Variants in HS6ST3 observed in about 807,000 individuals in gnomAD.
The protein encoded by HS6ST3 is heparan sulfate 6-O-sulfotransferase 3.
HS6ST3 carries 12 observed loss-of-function variants against 36.7 expected under a neutral mutation model. That is an observed-to-expected ratio of 0.33 (90% CI 0.21 to 0.53). The LOEUF (loss-of-function observed/expected upper bound fraction) is 0.53. Ranked by LOEUF, HS6ST3 falls within the 20% of genes least tolerant of loss-of-function variation. HS6ST3 has a pLI of 0.95. For missense variants in HS6ST3, 584 were observed against 640.9 expected (o/e 0.91, Z 0.96); for synonymous variants, 240 against 257.5 (o/e 0.93, Z 0.65).
At chr13:96,585,241 A>G (rs917151143) in intron 1 of HS6ST3, among the ~76,000 whole-genome samples, 1 of 151,994 alleles carries the variant, frequency 6.6e-6, no homozygotes, top group Non-Finnish European at 1.5e-5. Context: ...CTTCCTTTTT[A>G]TAGGGTTTAG....
chr13:96,380,078 C>A (rs1594767194), intron 1 of HS6ST3, among the ~76,000 whole-genome samples: 1 of 152,110 alleles, frequency 6.6e-6, no homozygotes, highest in African/African-American at 2.4e-5. Context: ...TTTCCACATC[C>A]TTGATAGGTA....
intron 1 of HS6ST3, among the ~76,000 whole-genome samples, chr13:96,494,959 G>T (rs1313330506): frequency 6.6e-6 from 1 of 152,118 alleles, no homozygotes; most frequent in Non-Finnish European, 1.5e-5. Flanking sequence ...GACAAATCTG[G>T]CTTCGTGTGC....
intron 1 of HS6ST3, among the ~76,000 whole-genome samples, chr13:96,392,132 T>C (rs956005352): frequency 1.3e-5 from 2 of 152,222 alleles, no homozygotes; most frequent in Admixed American, 6.5e-5. Flanking sequence ...TTAACACTTC[T>C]ACCTAGAAGA....
chr13:96,212,536 C>T (rs1159276399), intron 1 of HS6ST3, among the ~76,000 whole-genome samples: 1 of 152,166 alleles, frequency 6.6e-6, no homozygotes, highest in African/African-American at 2.4e-5. Flanking sequence ...AAACAAAATG[C>T]ATTCCGGTTT....
At chr13:96,301,495 G>T (rs1320211920) in intron 1 of HS6ST3, among the ~76,000 whole-genome samples, 1 of 152,170 alleles carries the variant, frequency 6.6e-6, no homozygotes, top group Non-Finnish European at 1.5e-5. Context: ...CTGGTCCTGA[G>T]TCTGTCTCTC....
At chr13:96,399,223 T>C (rs1243292168) in intron 1 of HS6ST3, among the ~76,000 whole-genome samples, 1 of 152,246 alleles carries the variant, frequency 6.6e-6, no homozygotes, top group Non-Finnish European at 1.5e-5. Flanking sequence ...AATTTTTAAT[T>C]AGAGCAAAAT....
intron 1 of HS6ST3, among the ~76,000 whole-genome samples, chr13:96,476,777 A>C (rs1299546575): frequency 6.6e-6 from 1 of 152,140 alleles, no homozygotes; most frequent in Non-Finnish European, 1.5e-5. Context: ...AAGTATGTTT[A>C]TGCTGTTAAT....
intron 1 of HS6ST3, among the ~76,000 whole-genome samples, chr13:96,555,741 G>A (rs1222066998): frequency 6.6e-6 from 1 of 151,634 alleles, no homozygotes; most frequent in Admixed American, 6.6e-5. Context: ...TCTATGATCT[G>A]TAATTTGTAG....
chr13:96,447,929 G>A (rs971797324), intron 1 of HS6ST3, among the ~76,000 whole-genome samples: 4 of 152,174 alleles, frequency 2.6e-5, no homozygotes, highest in South Asian at 2.1e-4. Flanking sequence ...TGTCTGTGTC[G>A]TTTTATCAAA....
At position 96,199,596 on chromosome 13, in the gene HS6ST3, G is replaced by T. The variant is rs540168345; in HGVS notation, c.707+108027G>T. ...ACCATTAAATATCTATTGATTTTTT[G>T]GGGGTTCTGATTTCTGCATTGCTTC... On this transcript the variant is annotated intron_variant, in intron 1 of 1. Coordinates refer to ENST00000376705, the MANE Select transcript of HS6ST3 (RefSeq NM_153456.4). 1.3e-4 allele frequency among the ~76,000 whole-genome samples: 20 copies of T among 152,150 alleles called. No homozygotes were observed. In the East Asian group the frequency reaches 3.1e-3, roughly 24 times the overall value.
In HS6ST3 at chr13:96,167,939, C is replaced by T. The variant is rs138444316; in HGVS notation, c.707+76370C>T. 2.0e-3 allele frequency among the ~76,000 whole-genome samples: 309 copies of T among 152,240 alleles called. 3 individuals are homozygous for T. The highest frequency in any genetic ancestry group is 2.5e-3 in the Non-Finnish European group (167 of 68,020). On this transcript the variant is annotated intron_variant, in intron 1 of 1. Transcript: ENST00000376705. ...TGTGCTGTGGGCTTAGATTATAAAG[C>T]TGGAAGCTAATACTGAAAATTTTTC...
At chr13:96,714,273 G>A (rs1160048329) in intron 1 of HS6ST3, among the ~76,000 whole-genome samples, 2 of 151,978 alleles carry the variant, frequency 1.3e-5, no homozygotes, top group African/African-American at 2.4e-5. Context: ...CAACAGATTA[G>A]TATGATACGG....
chr13:96,733,580 T>A (rs1261138144), intron 1 of HS6ST3, among the ~76,000 whole-genome samples: 1 of 152,232 alleles, frequency 6.6e-6, no homozygotes, highest in Non-Finnish European at 1.5e-5. Context: ...GTAAACATGA[T>A]ATATATTCTA....
intron 1 of HS6ST3, among the ~76,000 whole-genome samples, chr13:96,704,421 T>C (rs577536529): frequency 6.6e-6 from 1 of 152,322 alleles, no homozygotes; most frequent in Non-Finnish European, 1.5e-5. Context: ...AGTAGTAAGA[T>C]CAGTCAAATT....
chr13:96,389,160 T>A (rs2055383410), intron 1 of HS6ST3, among the ~76,000 whole-genome samples: 1 of 152,180 alleles, frequency 6.6e-6, no homozygotes, highest in Non-Finnish European at 1.5e-5. Context: ...TAGACTTGTA[T>A]ATAGCATAAA....
At chr13:96,157,586 C>T (rs1272713916) in intron 1 of HS6ST3, among the ~76,000 whole-genome samples, 1 of 152,146 alleles carries the variant, frequency 6.6e-6, no homozygotes, top group Non-Finnish European at 1.5e-5. Flanking sequence ...AGTTGGCTGA[C>T]TTGGGAAACT....
intron 1 of HS6ST3, among the ~76,000 whole-genome samples, chr13:96,771,899 G>A (rs1280587287): frequency 1.3e-5 from 2 of 152,270 alleles, no homozygotes; most frequent in Non-Finnish European, 2.9e-5. Flanking sequence ...TCCTTAACAA[G>A]GATGAGCAGG....
chr13:96,291,667 GA>G (rs1199341550), intron 1 of HS6ST3, among the ~76,000 whole-genome samples: 1 of 152,162 alleles, frequency 6.6e-6, no homozygotes, highest in Non-Finnish European at 1.5e-5. Context: ...TTAATAATAT[GA>G]AGTTATCGAA....
chr13:96,194,284 G>C (rs2054301989), intron 1 of HS6ST3, among the ~76,000 whole-genome samples: 1 of 152,102 alleles, frequency 6.6e-6, no homozygotes, highest in South Asian at 2.1e-4. Flanking sequence ...AAACCAAAGA[G>C]CCATATGTGA....
Sources: allele counts gnomAD v4.1 joint callset (sites outside exome capture counted in the v4.1 genomes callset), GRCh38; gene constraint gnomAD v4.1.1; transcripts MANE v1.5; gene names NCBI Gene and HGNC (gene_info 2026-07-23, HGNC 2026-07-21).